The following SLC38A12 variants were observed in gnomAD, a reference collection of about 807,000 sequenced individuals.
The protein encoded by SLC38A12 is solute carrier family 38 member 12.
chr17:74,801,680 C>G, the SLC38A12 span, among the ~76,000 whole-genome samples: 3 of 152,182 alleles, frequency 2.0e-5, no homozygotes, highest in Non-Finnish European at 2.9e-5. Context: ...CCTGGGTGAA[C>G]TCTAACTTCA....
chr17:74,832,533 T>C, the SLC38A12 span, among the ~76,000 whole-genome samples: 1 of 152,252 alleles, frequency 6.6e-6, no homozygotes, highest in South Asian at 2.1e-4. Context: ...CTCCTCACCA[T>C]GGCGGCCTCT....
the SLC38A12 span, among the ~76,000 whole-genome samples, chr17:74,826,627 C>T: frequency 6.6e-6 from 1 of 152,152 alleles, no homozygotes; most frequent in South Asian, 2.1e-4. Context: ...GCTTTTGGTG[C>T]CTGGCACATC....
the SLC38A12 span, among the ~76,000 whole-genome samples, chr17:74,814,103 T>C: frequency 0.011 from 1,739 of 152,328 alleles, 12 homozygotes; most frequent in South Asian, 0.02. Flanking sequence ...CTTGAGCTTC[T>C]TCACTTTAGG....
the SLC38A12 span, among the ~76,000 whole-genome samples, chr17:74,833,807 C>T: frequency 6.6e-6 from 1 of 152,238 alleles, no homozygotes. Context: ...CTCGAGATGG[C>T]AGTGGCAGTG....
the SLC38A12 span, among the ~76,000 whole-genome samples, chr17:74,803,643 G>A: frequency 2.6e-5 from 4 of 152,242 alleles, no homozygotes; most frequent in South Asian, 2.1e-4. Context: ...ATAAAAACCC[G>A]GTGTGCCTCA....
At chr17:74,785,143 G>A in the SLC38A12 span, among the ~76,000 whole-genome samples, 1 of 152,176 alleles carries the variant, frequency 6.6e-6, no homozygotes, top group Admixed American at 6.5e-5. Context: ...CGCCTATGAT[G>A]CTCTGTCCCC....
the SLC38A12 span, chr17:74,785,700 A>G: frequency 2.0e-6 from 3 of 1,489,720 alleles, no homozygotes; most frequent in South Asian, 3.9e-5. Flanking sequence ...GGGGGTGGGA[A>G]GACACCTGTC....
chr17:74,777,031 C>T, the SLC38A12 span, among the ~76,000 whole-genome samples: 1 of 152,118 alleles, frequency 6.6e-6, no homozygotes, highest in African/African-American at 2.4e-5. Context: ...GCATTGAAAA[C>T]ATCCGTGCTG....
the SLC38A12 span, among the ~76,000 whole-genome samples, chr17:74,783,519 C>T: frequency 2.0e-5 from 3 of 151,958 alleles, no homozygotes; most frequent in South Asian, 4.1e-4. Flanking sequence ...CACAAGAGGG[C>T]TTTGGTCCTG....
At chr17:74,816,723 G>C in the SLC38A12 span, among the ~76,000 whole-genome samples, 2 of 151,328 alleles carry the variant, frequency 1.3e-5, no homozygotes, top group African/African-American at 4.9e-5. Flanking sequence ...GCAGCGACTC[G>C]TGTCTCTGCC....
chr17:74,795,353 T>G, the SLC38A12 span, among the ~76,000 whole-genome samples: 2 of 152,174 alleles, frequency 1.3e-5, no homozygotes, highest in African/African-American at 4.8e-5. Flanking sequence ...CATTGGGAAA[T>G]GGTGCTGCAG....
chr17:74,833,723 G>A, the SLC38A12 span, among the ~76,000 whole-genome samples: 1 of 152,200 alleles, frequency 6.6e-6, no homozygotes, highest in African/African-American at 2.4e-5. Flanking sequence ...ACAGCTAGAG[G>A]AATTCTCCAC....
At chr17:74,787,075 A>C in the SLC38A12 span, among the ~76,000 whole-genome samples, 1 of 152,204 alleles carries the variant, frequency 6.6e-6, no homozygotes, top group African/African-American at 2.4e-5. Flanking sequence ...GTAAATCCAA[A>C]GCCCTTAAAA....
the SLC38A12 span, chr17:74,790,206 G>A: frequency 6.8e-6 from 11 of 1,613,662 alleles, no homozygotes; most frequent in Admixed American, 1.7e-5. Flanking sequence ...CCAGGAGGAG[G>A]AAGATGACGA....
chr17:74,829,601 C>T, the SLC38A12 span, among the ~76,000 whole-genome samples: 2 of 152,218 alleles, frequency 1.3e-5, no homozygotes, highest in East Asian at 1.9e-4. The surrounding 1 kb of genome is among the most constrained non-coding windows in gnomAD (Gnocchi z 4.1). Context: ...AGAAGTAGCC[C>T]TTGCTTAATT....
the SLC38A12 span, chr17:74,777,756 C>G: frequency 2.0e-6 from 1 of 508,692 alleles, no homozygotes; most frequent in South Asian, 1.7e-5. Context: ...CCTGTCTCTA[C>G]TAAAAATACA....
At chr17:74,821,491 C>A in the SLC38A12 span, among the ~76,000 whole-genome samples, 2 of 152,158 alleles carry the variant, frequency 1.3e-5, no homozygotes, top group African/African-American at 4.8e-5. Flanking sequence ...CCTGGGGATC[C>A]CACCAGCTCC....
At chr17:74,803,710 CCA>C in the SLC38A12 span, among the ~76,000 whole-genome samples, 1 of 152,334 alleles carries the variant, frequency 6.6e-6, no homozygotes, top group South Asian at 2.1e-4. Context: ...ACATGCATTT[CCA>C]GTCATTCCCC....
the SLC38A12 span, among the ~76,000 whole-genome samples, chr17:74,807,930 G>A: frequency 6.6e-6 from 1 of 152,226 alleles, no homozygotes; most frequent in Non-Finnish European, 1.5e-5. Context: ...AGATTCCGTG[G>A]TCCTCCGTCA....
Sources: allele counts gnomAD v4.1 joint callset (sites outside exome capture counted in the v4.1 genomes callset), GRCh38; gene constraint gnomAD v4.1.1; non-coding constraint Gnocchi (gnomAD v3.1); transcripts MANE v1.5; gene names NCBI Gene and HGNC (gene_info 2026-07-23, HGNC 2026-07-21).